PKD1: variants seen among roughly 807,000 people sequenced by gnomAD.
PKD1 encodes the protein polycystin-1.
PKD1 carries 81 observed loss-of-function variants against 361.7 expected under a neutral mutation model. The observed-to-expected ratio is 0.22, with a 90% CI of 0.19 to 0.27. PKD1 has a LOEUF of 0.27. Ranked by LOEUF, PKD1 falls within the 10% of genes least tolerant of loss-of-function variation. The pLI is 1.00. For missense variants in PKD1, 6,399 were observed against 6,118.3 expected (o/e 1.05, Z -1.53); for synonymous variants, 3,615 against 2,818.3 (o/e 1.28, Z -8.95).
chr16:2,125,147 TC>T (rs2092779229), intron 1 of PKD1, among the ~76,000 whole-genome samples: 1 of 152,182 alleles, frequency 6.6e-6, no homozygotes, highest in Admixed American at 6.5e-5. Context: ...TGAGGCGGCT[TC>T]CAGGGCCGGA....
In PKD1 at chr16:2,108,610, C is replaced by A. The variant is rs1046305889; in HGVS notation, c.6557G>T (p.Arg2186Leu). 4.5e-6 allele frequency: 7 copies of A among 1,558,726 alleles called. No homozygotes were observed. Among genetic ancestry groups the A allele is most frequent in the Non-Finnish European group, 6.1e-6 (7 of 1,152,212 alleles). ...RDCVTYQTEY[R>L]WEVYRTASCQ... ...GCTGGCGGTGCGATACACCTCCCAGCGGTACTCAGTCTGGTAGGTGACGCA... is the reference window on the plus strand; with the variant it reads ...GCTGGCGGTGCGATACACCTCCCAGAGGTACTCAGTCTGGTAGGTGACGCA... Residue 2186 changes from arginine to leucine, a missense_variant, in exon 15 of 46, where the codon CGC becomes CTC. Transcript: ENST00000262304.
rs1334882477 is a variant in PKD1 at position 2,089,730 on chromosome 16, A to T, written c.12909T>A (p.Thr4303=). The change falls in exon 46 of 46, where the codon ACT becomes ACA. Residue 4303 remains threonine (T), a synonymous_variant. Transcript: ENST00000262304. ...RAKNKVHPSS[T] ...CCACCCCCGCCAGGAAGGAGGACTAAGTGCTGCTGGGGTGGACCTTGTTCT... is the reference window on the plus strand; with the variant it reads ...CCACCCCCGCCAGGAAGGAGGACTATGTGCTGCTGGGGTGGACCTTGTTCT... The T allele has an allele frequency of 6.3e-7, 1 of 1,582,308 alleles. No homozygotes were observed. The highest frequency in any genetic ancestry group is 2.3e-5 in the East Asian group (1 of 43,844).
At chr16:2,123,623 T>C in intron 1 of PKD1, 1 of 435,704 alleles carries the variant, frequency 2.3e-6, no homozygotes, top group East Asian at 7.0e-5. Context: ...CGCTGTCTGA[T>C]GCCCTGCCCC....
chr16:2,104,377 G>A lies in PKD1; in HGVS notation c.8161+121C>T, dbSNP rs1224185015. On this transcript the variant is annotated intron_variant, in intron 22 of 45. Transcript: ENST00000262304. ...GGGGAGGGGGATGAGGATGGGAATT[G>A]GGGGGAGGGGAGGGGGACGAAGATG... The A allele has an allele frequency of 3.8e-5, 22 of 583,100 alleles. No individual in the cohort carries two copies. The African/African-American group carries it at 4.5e-4, about 12-fold the overall frequency. 36.1% of individuals were successfully genotyped at this position (583,100 alleles called of 1,614,324 possible). A position where few individuals can be genotyped will look rare whatever the true frequency, so the allele number is the denominator to read the frequency against.
chr16:2,123,053 C>T (rs1466272019), intron 1 of PKD1, among the ~76,000 whole-genome samples: 3 of 152,194 alleles, frequency 2.0e-5, no homozygotes, highest in African/African-American at 7.2e-5. Context: ...CCGAGGACCC[C>T]AGAGCCCCCC....
intron 1 of PKD1, chr16:2,135,240 T>C (rs372669443): frequency 1.0e-5 from 10 of 985,240 alleles, no homozygotes; most frequent in East Asian, 1.1e-4. Context: ...CCCGCTGGCG[T>C]CTGCAGAGCC....
In PKD1 at chr16:2,115,844, T is replaced by C. The variant is rs977348272; in HGVS notation, c.1849+148A>G. On this transcript the variant is annotated intron_variant, in intron 9 of 45. Transcript: ENST00000262304. Reference sequence around the variant, plus strand: ...CAATCCACCCCCAGGACACCTGGAATGAGCTGGTGTCTCTGGAACCCCTGC... The same window carrying C: ...CAATCCACCCCCAGGACACCTGGAACGAGCTGGTGTCTCTGGAACCCCTGC... 1.4e-5 allele frequency: 14 copies of C among 1,015,862 alleles called. No individual in the cohort carries two copies. The South Asian group carries it at 2.0e-4, about 14-fold the overall frequency. The allele number at this position is 1,015,862 out of a possible 1,614,324, so 62.9% of individuals were successfully genotyped here.
Position 2,103,739 on chromosome 16 carries a change from G to A in PKD1, c.8318C>T (p.Pro2773Leu). 1 of 1,610,054 alleles carries A rather than the reference G, an allele frequency of 6.2e-7. No individual in the cohort carries two copies. The highest frequency in any genetic ancestry group is 1.1e-5 in the South Asian group (1 of 90,964). The change falls in exon 23 of 46, where the codon CCC (proline) becomes CTC (leucine). Residue 2773 changes from proline to leucine, a missense_variant. Pro to Leu is a moderately conservative substitution (Grantham distance 98). Transcript: ENST00000262304. Reference sequence around the variant, plus strand: ...GATCTCCTCGCCCGCCAGCGTCAGGGGCTCCTCGTTGAGCACGCGGGAGCG... The same window carrying A: ...GATCTCCTCGCCCGCCAGCGTCAGGAGCTCCTCGTTGAGCACGCGGGAGCG... ...LMRSRVLNEE[P>L]LTLAGEEIVA... is the part of the protein sequence containing the mutation.
In PKD1 at chr16:2,104,666, G is replaced by C. The variant is rs959069283; in HGVS notation, c.8017-24C>G. 9 of 1,399,938 alleles carry C rather than the reference G, an allele frequency of 6.4e-6. No homozygotes were observed. In the African/African-American group the frequency reaches 7.6e-5, roughly 12 times the overall value. 86.7% of individuals were successfully genotyped at this position (1,399,938 alleles called of 1,614,324 possible). A position where few individuals can be genotyped will look rare whatever the true frequency, so the allele number is the denominator to read the frequency against. The stretch of plus-strand genomic sequence containing the variant: ...CCCTGTGTGGAGCCAGCAGTGTCCA[G>C]CCCCGCTCCTGGCCCCACTCCTTGC... On this transcript the variant is annotated intron_variant, in intron 21 of 45. Coordinates refer to ENST00000262304, the MANE Select transcript of PKD1 (RefSeq NM_001009944.3).
At chr16:2,116,271 C>T (rs2092633768) in intron 8 of PKD1, 153 bp from the exon 9 acceptor site, 10 of 812,526 alleles carry the variant, frequency 1.2e-5, no homozygotes, top group Non-Finnish European at 1.2e-5. Flanking sequence ...GAGGAAGACT[C>T]CGGTGGAAAC....
In PKD1 at chr16:2,103,560, G is replaced by A. The variant is rs1057523051; in HGVS notation, c.8497C>T (p.Pro2833Ser). The change falls in exon 23 of 46, where the codon CCC (proline) becomes TCC (serine). Residue 2833 changes from proline to serine, a missense_variant. Pro to Ser is a moderately conservative substitution (Grantham distance 74). Coordinates refer to ENST00000262304, the MANE Select transcript of PKD1 (RefSeq NM_001009944.3). ...VQLIFLVDSNPFPFGYISNYT... is the reference protein window; with the variant it reads ...VQLIFLVDSNSFPFGYISNYT... Reference sequence around the variant, plus strand: ...TTGCTGATATAGCCAAAGGGAAAGGGATTGGAGTCCACCAGAAAGATGAGC... The same window carrying A: ...TTGCTGATATAGCCAAAGGGAAAGGAATTGGAGTCCACCAGAAAGATGAGC... The A allele has an allele frequency of 6.2e-7, 1 of 1,609,832 alleles. No individual in the cohort carries two copies. The highest frequency in any genetic ancestry group is 1.7e-5 in the Admixed American group (1 of 59,996).
intron 1 of PKD1, among the ~76,000 whole-genome samples, chr16:2,129,472 G>A (rs1413165702): frequency 1.3e-5 from 2 of 149,620 alleles, no homozygotes; most frequent in Non-Finnish European, 2.9e-5. Flanking sequence ...TAATGAGGCC[G>A]ACCATCTTCT....
At position 2,104,686 on chromosome 16, in the gene PKD1, C is replaced by G. The variant is rs559763669; in HGVS notation, c.8017-44G>C. 601 of 1,166,676 alleles carry G rather than the reference C, an allele frequency of 5.2e-4. 8 individuals carry two copies. The South Asian group carries it at 7.0e-3, about 14-fold the overall frequency. The allele number at this position is 1,166,676 out of a possible 1,614,324, so 72.3% of individuals were successfully genotyped here. A position where few individuals can be genotyped will look rare whatever the true frequency, so the allele number is the denominator to read the frequency against. On this transcript the variant is annotated intron_variant, in intron 21 of 45. Coordinates refer to ENST00000262304, the MANE Select transcript of PKD1 (RefSeq NM_001009944.3). ...GTCCAGCCCCGCTCCTGGCCCCACTCCTTGCACACGCCCTCCTCTCTACAC... is the reference window on the plus strand; with the variant it reads ...GTCCAGCCCCGCTCCTGGCCCCACTGCTTGCACACGCCCTCCTCTCTACAC...
In PKD1 at chr16:2,117,506, C is replaced by A. The variant is rs1342543556; in HGVS notation, c.1368G>T (p.Leu456=). The change falls in exon 6 of 46, where the codon CTG becomes CTT. Residue 456 remains leucine, a synonymous_variant. Coordinates refer to ENST00000262304, the MANE Select transcript of PKD1 (RefSeq NM_001009944.3). ...GCAGGCACCTGGTGACCCGGGAGAC[C>A]AGGAAGCGCTGCACGGCGGGACTGT... is the stretch of plus-strand genomic sequence containing the variant. ...MVDSPAVQRF[L]VSRVTRSLDV... 1.4e-5 allele frequency: 22 copies of A among 1,564,802 alleles called. No homozygotes were observed. The highest frequency in any genetic ancestry group is 1.9e-5 in the Non-Finnish European group (22 of 1,152,944).
intron 39 of PKD1, 107 bp downstream of exon 39, chr16:2,092,373 C>G (rs112999763): frequency 1.0e-6 from 1 of 974,048 alleles, no homozygotes; most frequent in East Asian, 2.6e-5. Flanking sequence ...GTTAAGAGGG[C>G]AAAGGTCACA....
chr16:2,101,769 A>G lies in PKD1; in HGVS notation c.9397+292T>C, dbSNP rs13330879. Among the ~76,000 whole-genome samples the G allele has an allele frequency of 3.8e-3, 585 of 152,384 alleles. 4 individuals are homozygous for G. The highest frequency in any genetic ancestry group is 0.012 in the African/African-American group (490 of 41,600). On this transcript the variant is annotated intron_variant, in intron 26 of 45. Transcript: ENST00000262304. ...CAGTCAGGATCGCGGGTGGATGCAC[A>G]GTCTCCCACAGTGGTAGCGATGCTC... is the stretch of plus-strand genomic sequence containing the variant.
At position 2,111,009 on chromosome 16, in the gene PKD1, C is replaced by T. The variant is rs140571897; in HGVS notation, c.4158G>A (p.Gln1386=). Residue 1386 remains glutamine (Q), a synonymous_variant, in exon 15 of 46, where the codon CAG becomes CAA. Coordinates refer to ENST00000262304, the MANE Select transcript of PKD1 (RefSeq NM_001009944.3). The part of the protein sequence containing the change: ...VEPEVGNVTL[Q]PERQFVQLGD... ...CGAGCTGCACAAACTGCCTCTCTGG[C>T]TGCAGGGTGACGTTGCCCACCTCTG... The T allele has an allele frequency of 6.2e-7, 1 of 1,610,584 alleles. No homozygotes were observed. The highest frequency in any genetic ancestry group is 1.3e-5 in the African/African-American group (1 of 74,864).
chr16:2,094,341 G>A (rs1288503313), intron 34 of PKD1, 131 bp from the exon 35 acceptor site: 4 of 701,196 alleles, frequency 5.7e-6, no homozygotes. Context: ...AAAGCCGGAA[G>A]ACCCTACCCC....
Position 2,088,941 on chromosome 16 carries a change from CTT to C in PKD1, c.*784_*785del, listed in dbSNP as rs572959816. On this transcript the variant is annotated 3_prime_UTR_variant, in exon 46 of 46. Coordinates refer to ENST00000262304, the MANE Select transcript of PKD1 (RefSeq NM_001009944.3). ...CTGGGAGCCAGCCCCCAGGAGGAGT[CTT>C]TTCCTCTAACCACCCTGGGGTCCTC... 137 of 373,176 alleles carry C rather than the reference CTT, an allele frequency of 3.7e-4. 2 individuals carry two copies. Among genetic ancestry groups the C allele is most frequent in the African/African-American group, 2.7e-3 (130 of 48,126 alleles). The allele number at this position is 373,176 out of a possible 1,614,324, so 23.1% of individuals were successfully genotyped here. A position where few individuals can be genotyped will look rare whatever the true frequency, so the allele number is the denominator to read the frequency against.
Sources: allele counts gnomAD v4.1 joint callset (sites outside exome capture counted in the v4.1 genomes callset), GRCh38; gene constraint gnomAD v4.1.1; transcripts MANE v1.5; gene names NCBI Gene and HGNC (gene_info 2026-07-23, HGNC 2026-07-21).